The following ADGRD2 variants were observed in gnomAD, a reference collection of about 807,000 sequenced individuals.
ADGRD2 encodes adhesion G protein-coupled receptor D2.
In ADGRD2, 71 loss-of-function variants were observed where a neutral mutation model predicts 44.4. The ratio of observed to expected loss-of-function variants is 1.60; its 90% CI spans 1.32 to 1.95. ADGRD2 has a LOEUF of 1.95. ADGRD2 is among the 30% of genes most tolerant of loss of function. The probability of loss-of-function intolerance (pLI) is 0.00; values close to 1 mark genes in which losing one functional copy is unlikely to be tolerated. For synonymous variants in ADGRD2, 481 were observed against 224.8 expected, an observed-to-expected ratio of 2.14 and a Z score of -10.19; for missense variants, 1,039 against 512.4, an observed-to-expected ratio of 2.03 and a Z score of -9.92.
intron 20 of ADGRD2, 94 bp downstream of exon 23, chr9:124,476,509 C>A: frequency 1.5e-6 from 1 of 654,698 alleles, no homozygotes; most frequent in Non-Finnish European, 2.8e-6. Flanking sequence ...CTGGGTAGGG[C>A]CGGGGTGGGG....
intron 3 of ADGRD2, 141 bp downstream of exon 6, chr9:124,453,817 A>C (rs1831557179): frequency 3.3e-6 from 2 of 604,626 alleles, no homozygotes; most frequent in Non-Finnish European, 5.9e-6. Flanking sequence ...TGCAAGCTCC[A>C]GCATAAACCT....
intron 17 of ADGRD2, among the ~76,000 whole-genome samples, chr9:124,474,878 G>A (rs1341590328): frequency 1.3e-5 from 2 of 152,182 alleles, no homozygotes; most frequent in Non-Finnish European, 2.9e-5. Context: ...TTGGTCCCAC[G>A]GTGTGGGGAG....
At chr9:124,455,813 T>A (rs941173817) in intron 6 of ADGRD2, among the ~76,000 whole-genome samples, 15 of 152,224 alleles carry the variant, frequency 9.9e-5, no homozygotes, top group Admixed American at 9.2e-4. Flanking sequence ...GGAAACCTTG[T>A]CCTGGTGGAA....
rs760917020 is a variant in ADGRD2 at position 124,470,631 on chromosome 9, C to A, written c.2758+17C>A. ...TCCATCCAGGTACCTCCAGCCCCAACCTTCTGGGACTAGGCCCTGACATGC... is the reference window on the plus strand; with the variant it reads ...TCCATCCAGGTACCTCCAGCCCCAAACTTCTGGGACTAGGCCCTGACATGC... On this transcript the variant is annotated intron_variant, in intron 17 of 21. Coordinates refer to ENST00000334810, the Ensembl canonical transcript of ADGRD2. The A allele has an allele frequency of 1.4e-6, 1 of 699,698 alleles. No homozygotes were observed. 43.3% of individuals were successfully genotyped at this position (699,698 alleles called of 1,614,324 possible). A position where few individuals can be genotyped will look rare whatever the true frequency, so the allele number is the denominator to read the frequency against.
chr9:124,452,740 G>A lies in ADGRD2; in HGVS notation c.281+18G>A, dbSNP rs1277538954. 1.4e-6 allele frequency: 1 copy of A among 703,162 alleles called. No homozygotes were observed. Among genetic ancestry groups the A allele is most frequent in the African/African-American group, 1.7e-5 (1 of 57,168 alleles). 43.6% of individuals were successfully genotyped at this position (703,162 alleles called of 1,614,324 possible). ...ACAGAGGCGTGAGTGTGGGCCCCTG[G>A]GAAATGGGAGCAAGGGGCAGAGGCT... On this transcript the variant is annotated intron_variant, in intron 2 of 21. Transcript: ENST00000334810.
chr9:124,455,361 C>T lies in ADGRD2; in HGVS notation c.1393+234C>T, dbSNP rs141659091. Among the ~76,000 whole-genome samples, 685 of 152,232 alleles carry T rather than the reference C, an allele frequency of 4.5e-3. 6 individuals carry two copies. Among genetic ancestry groups the T allele is most frequent in the Middle Eastern group, 0.01 (3 of 294 alleles). On this transcript the variant is annotated intron_variant, in intron 6 of 21. Transcript: ENST00000334810. ...ATCCCAGCACTTTGGGAGGTTGAGG[C>T]GGGTGGATCACTTGAGGTCAGGAGT... is the stretch of plus-strand genomic sequence containing the variant.
chr9:124,452,440 C>T, intron 1 of ADGRD2, 70 bp from the exon 5 acceptor site: 1 of 715,524 alleles, frequency 1.4e-6, no homozygotes, highest in Non-Finnish European at 2.6e-6. Context: ...GTGTCCTTGG[C>T]TCCGCCCAGC....
At chr9:124,457,361 T>C (rs142612024) in intron 7 of ADGRD2, 111 bp from the exon 11 acceptor site, 467 of 454,422 alleles carry the variant, frequency 1.0e-3, no homozygotes, top group African/African-American at 8.6e-3. Context: ...GCAGGAATGG[T>C]GGCCTCCTAG....
At chr9:124,473,280 T>C (rs111377457) in intron 17 of ADGRD2, among the ~76,000 whole-genome samples, 1 of 152,210 alleles carries the variant, frequency 6.6e-6, no homozygotes, top group Non-Finnish European at 1.5e-5. Context: ...TAGGAGTAAT[T>C]TGTGTCCTTC....
chr9:124,467,890 C>T, intron 12 of ADGRD2, 66 bp downstream of exon 15: 1 of 713,310 alleles, frequency 1.4e-6, no homozygotes, highest in Non-Finnish European at 2.6e-6. Context: ...GCCTCCATGT[C>T]CCCATTGGTC....
chr9:124,477,884 C>T (rs572981553), intron 21 of ADGRD2, among the ~76,000 whole-genome samples: 1 of 151,960 alleles, frequency 6.6e-6, no homozygotes, highest in African/African-American at 2.4e-5. Context: ...GTGACGGCGC[C>T]TTTGTCTCCG....
intron 11 of ADGRD2, chr9:124,467,059 A>G (rs531781550): frequency 2.5e-4 from 38 of 153,008 alleles, no homozygotes; most frequent in African/African-American, 8.9e-4. Flanking sequence ...AGGGCCAGGC[A>G]CGGTGGCTCC....
At position 124,468,690 on chromosome 9, in the gene ADGRD2, C is replaced by T. The variant is rs371060435; in HGVS notation, c.2387+18C>T. The T allele has an allele frequency of 4.3e-6, 3 of 705,762 alleles. No homozygotes were observed. Among genetic ancestry groups the T allele is most frequent in the Non-Finnish European group, 7.9e-6 (3 of 381,188 alleles). 43.7% of individuals were successfully genotyped at this position (705,762 alleles called of 1,614,324 possible). A position where few individuals can be genotyped will look rare whatever the true frequency, so the allele number is the denominator to read the frequency against. On this transcript the variant is annotated intron_variant, in intron 14 of 21. Coordinates refer to ENST00000334810, the Ensembl canonical transcript of ADGRD2. Reference sequence around the variant, plus strand: ...AGGCTGGGGTGAGGCCTGCTCTGCACCCACACTCTCTTCTCCTCAGCTGTA... The same window carrying T: ...AGGCTGGGGTGAGGCCTGCTCTGCATCCACACTCTCTTCTCCTCAGCTGTA...
chr9:124,465,796 G>A (rs1473477619), intron 10 of ADGRD2: 1 of 152,572 alleles, frequency 6.6e-6, no homozygotes, highest in Non-Finnish European at 1.5e-5. Context: ...GCGGGAGGAT[G>A]TGTTACCCAG....
intron 10 of ADGRD2, among the ~76,000 whole-genome samples, chr9:124,459,171 A>G (rs1411323731): frequency 1.3e-5 from 2 of 152,136 alleles, no homozygotes; most frequent in Non-Finnish European, 2.9e-5. Context: ...AAATAACCTA[A>G]ATGTCCATCA....
chr9:124,463,744 C>T (rs1831761079), intron 10 of ADGRD2, among the ~76,000 whole-genome samples: 1 of 152,150 alleles, frequency 6.6e-6, no homozygotes, highest in Non-Finnish European at 1.5e-5. Context: ...TATAATATTT[C>T]CTTTTCACAT....
Position 124,466,666 on chromosome 9 carries a change from C to T in ADGRD2, c.2026+253C>T, listed in dbSNP as rs997906311. Reference sequence around the variant, plus strand: ...CTCTACCAAAAATGCAAAAATTAGCCAGGTGTGGTGGCTCGTGCCTATAGT... The same window carrying T: ...CTCTACCAAAAATGCAAAAATTAGCTAGGTGTGGTGGCTCGTGCCTATAGT... On this transcript the variant is annotated intron_variant, in intron 11 of 21. Transcript: ENST00000334810. The T allele has an allele frequency of 2.7e-5, 8 of 291,930 alleles. No homozygotes were observed. In the South Asian group the frequency reaches 6.3e-4, roughly 23 times the overall value. The allele number at this position is 291,930 out of a possible 1,614,324, so 18.1% of individuals were successfully genotyped here. A position where few individuals can be genotyped will look rare whatever the true frequency, so the allele number is the denominator to read the frequency against.
rs757493051 is a variant in ADGRD2 at position 124,458,160 on chromosome 9, T to C, written c.1690T>C (p.Phe564Leu). 1.3e-5 allele frequency: 9 copies of C among 718,358 alleles called. No homozygotes were observed. The South Asian group carries it at 1.3e-4, about 11-fold the overall frequency. 44.5% of individuals were successfully genotyped at this position (718,358 alleles called of 1,614,324 possible). ...CCACAGCTGGTTCACCTCCAGAGTCTTCCAGCACACCCTAGAGGGACCGGA... is the reference window on the plus strand; with the variant it reads ...CCACAGCTGGTTCACCTCCAGAGTCCTCCAGCACACCCTAGAGGGACCGGA... Residue 564 changes from phenylalanine (F) to leucine (L), a missense_variant, in exon 9 of 22, where the codon TTC becomes CTC. Physicochemically the swap from Phe to Leu is conservative, Grantham distance 22 (BLOSUM62 0). Coordinates refer to ENST00000334810, the Ensembl canonical transcript of ADGRD2.
At chr9:124,452,973 G>C (rs139514152) in intron 2 of ADGRD2, 62 bp from the exon 6 acceptor site, 656 of 608,116 alleles carry the variant, frequency 1.1e-3, no homozygotes, top group African/African-American at 9.8e-3. Context: ...GAGCCAAAGG[G>C]CAGGGGCAGG....
Sources: gnomAD v4.1 joint callset for allele counts (sites outside exome capture counted in the v4.1 genomes callset) on GRCh38, gnomAD v4.1.1 for gene constraint, MANE v1.5 for transcripts, NCBI Gene and HGNC (gene_info 2026-07-23, HGNC 2026-07-21) for gene names.